Variants in LAMA2 observed in about 807,000 individuals in gnomAD.
LAMA2 encodes laminin subunit alpha-2.
In LAMA2, 269 loss-of-function variants were observed where a neutral mutation model predicts 364.8. The ratio of observed to expected loss-of-function variants is 0.74; its 90% confidence interval spans 0.67 to 0.82. The LOEUF is 0.82. LAMA2 is among the 40% of genes least tolerant of loss of function. LAMA2 has a pLI of 0.00. For synonymous variants in LAMA2, 1,379 were observed against 1,370.6 expected, an observed-to-expected ratio of 1.01 and a Z score of -0.14; for missense variants, 3,807 against 3,873.2, an observed-to-expected ratio of 0.98 and a Z score of 0.45.
chr6:129,017,560 A>T (rs575153035), intron 1 of LAMA2, among the ~76,000 whole-genome samples: 1 of 152,180 alleles, frequency 6.6e-6, no homozygotes, highest in African/African-American at 2.4e-5. Flanking sequence ...ATATATATAT[A>T]TATAAAATGG....
Position 129,453,000 on chromosome 6 carries a change from GT to G in LAMA2, c.6443del (p.Val2148GlyfsTer27), listed in dbSNP as rs770895341. On this transcript the variant is annotated frameshift_variant, in exon 46 of 65. Transcript: ENST00000421865. LOFTEE classifies it high-confidence loss of function. Reference sequence around the variant, plus strand: ...GTTTTTTTTAAAGATCAAAGTATCTGTGTCTTCAGGAGGTGACTGCATTCGA... The same window carrying G: ...GTTTTTTTTAAAGATCAAAGTATCTGGTCTTCAGGAGGTGACTGCATTCGA... ...RKQANSIKVS[V>X]SSGGDCIRTY... 17 of 1,612,480 alleles carry G rather than the reference GT, an allele frequency of 1.1e-5. No homozygotes were observed. In the South Asian group the frequency reaches 1.9e-4, roughly 18 times the overall value.
rs2437089 is a variant in LAMA2 at position 129,383,444 on chromosome 6, C to T, written c.5071+211C>T. On this transcript the variant is annotated intron_variant, in intron 35 of 64. Coordinates refer to ENST00000421865, the MANE Select transcript of LAMA2 (RefSeq NM_000426.4). ...TAAATTAGCGACAATAGTGAATTAGCGACAATGAGGGCAGAATAGCAGTAA... is the reference window on the plus strand; with the variant it reads ...TAAATTAGCGACAATAGTGAATTAGTGACAATGAGGGCAGAATAGCAGTAA... 0.84 allele frequency among the ~76,000 whole-genome samples: 127,389 copies of T among 152,194 alleles called. 53,331 individuals carry two copies. Among genetic ancestry groups the T allele is most frequent in the Admixed American group, 0.88 (13,421 of 15,290 alleles).
chr6:129,101,466 A>T (rs1775515516), intron 4 of LAMA2, among the ~76,000 whole-genome samples: 1 of 152,082 alleles, frequency 6.6e-6, no homozygotes, highest in Non-Finnish European at 1.5e-5. Flanking sequence ...CAGCTATCCG[A>T]TTACTATCTT....
At chr6:129,431,972 C>T (rs1467895041) in intron 41 of LAMA2, among the ~76,000 whole-genome samples, 1 of 152,094 alleles carries the variant, frequency 6.6e-6, no homozygotes, top group African/African-American at 2.4e-5. Flanking sequence ...TGCTGCTAAA[C>T]CAAAGTATGA....
At chr6:129,047,222 G>C (rs1377074495) in intron 1 of LAMA2, among the ~76,000 whole-genome samples, 6 of 151,890 alleles carry the variant, frequency 4.0e-5, no homozygotes, top group Non-Finnish European at 7.4e-5. Context: ...CTTTTAAATG[G>C]TACTCTACTT....
At chr6:129,395,685 A>C (rs929524862) in intron 37 of LAMA2, among the ~76,000 whole-genome samples, 5 of 152,224 alleles carry the variant, frequency 3.3e-5, no homozygotes, top group African/African-American at 1.2e-4. Flanking sequence ...CGCTACCATA[A>C]TTATCACAGG....
At chr6:129,470,324 A>G (rs1053542475) in intron 51 of LAMA2, among the ~76,000 whole-genome samples, 1 of 151,884 alleles carries the variant, frequency 6.6e-6, no homozygotes, top group Non-Finnish European at 1.5e-5. Flanking sequence ...TAAAGTACGC[A>G]AGGAAAATAT....
At chr6:129,502,138 C>T (rs919642455) in intron 58 of LAMA2, among the ~76,000 whole-genome samples, 5 of 152,116 alleles carry the variant, frequency 3.3e-5, no homozygotes, top group African/African-American at 1.2e-4. Flanking sequence ...AATGGGCTGA[C>T]GTGCAGGTTT....
rs1018653516 is a variant in LAMA2 at position 128,952,257 on chromosome 6, A to G, written c.112+68900A>G. Among the ~76,000 whole-genome samples, 10 of 152,240 alleles carry G rather than the reference A, an allele frequency of 6.6e-5. No homozygotes were observed. In the East Asian group the frequency reaches 1.9e-3, roughly 29 times the overall value. On this transcript the variant is annotated intron_variant, in intron 1 of 64. Coordinates refer to ENST00000421865, the MANE Select transcript of LAMA2 (RefSeq NM_000426.4). ...AATACTCTCTTTAAGTATATGAAAA[A>G]GCAAATATCTTTCCTAGAGTATATT... is the stretch of plus-strand genomic sequence containing the variant.
chr6:129,162,155 A>G (rs991890264), intron 8 of LAMA2, among the ~76,000 whole-genome samples: 11 of 152,140 alleles, frequency 7.2e-5, no homozygotes, highest in Admixed American at 1.3e-4. Context: ...CAACCTCACC[A>G]GTATCTGTTA....
At chr6:129,118,881 T>A (rs7773094) in intron 4 of LAMA2, among the ~76,000 whole-genome samples, 3 of 152,058 alleles carry the variant, frequency 2.0e-5, no homozygotes, top group African/African-American at 7.3e-5. Context: ...ATCCATGATG[T>A]GTAAGAGTGA....
chr6:129,041,733 T>C (rs899364230), intron 1 of LAMA2, among the ~76,000 whole-genome samples: 20 of 152,152 alleles, frequency 1.3e-4, no homozygotes, highest in African/African-American at 4.8e-4. Context: ...CCAAGCATAG[T>C]GGCTGATGCC....
intron 22 of LAMA2, among the ~76,000 whole-genome samples, chr6:129,304,274 T>A (rs190455660): frequency 5.6e-4 from 86 of 152,262 alleles, no homozygotes; most frequent in African/African-American, 1.9e-3. Flanking sequence ...TTTTTTGTTT[T>A]TTGTTTTTGA....
At chr6:129,474,137 TTA>T (rs1273063454) in intron 52 of LAMA2, among the ~76,000 whole-genome samples, 4 of 152,098 alleles carry the variant, frequency 2.6e-5, no homozygotes, top group Non-Finnish European at 5.9e-5. Context: ...TTTTGTTTAA[TTA>T]GTTTGGTATT....
chr6:129,154,275 G>T (rs1456908493), intron 7 of LAMA2, among the ~76,000 whole-genome samples: 1 of 152,074 alleles, frequency 6.6e-6, no homozygotes, highest in Non-Finnish European at 1.5e-5. Context: ...GCTGGGTGTG[G>T]TGGTGCATGC....
At chr6:128,886,426 A>G (rs1373786156) in intron 1 of LAMA2, among the ~76,000 whole-genome samples, 1 of 152,182 alleles carries the variant, frequency 6.6e-6, no homozygotes, top group Admixed American at 6.5e-5. Flanking sequence ...ATATAGTGTA[A>G]TATGGTGACA....
At chr6:129,461,220 A>G (rs777551587) in intron 49 of LAMA2, among the ~76,000 whole-genome samples, 1 of 152,120 alleles carries the variant, frequency 6.6e-6, no homozygotes, top group Non-Finnish European at 1.5e-5. Context: ...AGTTTGTGTT[A>G]TTTTCCATTT....
intron 57 of LAMA2, 71 bp from the exon 58 acceptor site, chr6:129,492,244 G>C (rs901606474): frequency 6.6e-7 from 1 of 1,517,712 alleles, no homozygotes; most frequent in Admixed American, 1.7e-5. Context: ...AAAGGCATGC[G>C]GGGATTGGGC....
At chr6:129,228,405 C>T (rs564896551) in intron 12 of LAMA2, among the ~76,000 whole-genome samples, 27 of 151,994 alleles carry the variant, frequency 1.8e-4, no homozygotes, top group Admixed American at 6.6e-4. Flanking sequence ...TGGAAGTCAC[C>T]CATATTCTGT....
Sources: allele counts gnomAD v4.1 joint callset (sites outside exome capture counted in the v4.1 genomes callset), GRCh38; gene constraint gnomAD v4.1.1; transcripts MANE v1.5; gene names NCBI Gene and HGNC (gene_info 2026-07-23, HGNC 2026-07-21).